Variants in LDB2 observed in about 807,000 individuals in gnomAD.
LDB2 encodes the protein LIM domain-binding protein 2.
In LDB2, 12 loss-of-function variants were observed where a neutral mutation model predicts 44.3. The observed-to-expected ratio is 0.27, with a 90% CI of 0.17 to 0.44. The LOEUF (loss-of-function observed/expected upper bound fraction) is 0.44, where lower values mean the gene tolerates loss of function less well. Among genes scored for constraint, LDB2 ranks in the 20% least tolerant of loss-of-function variants. The pLI, the probability that LDB2 is intolerant of heterozygous loss-of-function variation, is 1.00. For missense variants in LDB2, 344 were observed against 473.5 expected (o/e 0.73, Z 2.54); for synonymous variants, 164 against 174.8 (o/e 0.94, Z 0.49).
intron 2 of LDB2, among the ~76,000 whole-genome samples, chr4:16,724,935 G>T (rs1469126157): frequency 6.6e-6 from 1 of 152,086 alleles, no homozygotes; most frequent in Non-Finnish European, 1.5e-5. Flanking sequence ...GCATAGGAAG[G>T]TTAAGTCCAG....
At chr4:16,541,253 G>C (rs1733663370) in intron 5 of LDB2, among the ~76,000 whole-genome samples, 1 of 152,104 alleles carries the variant, frequency 6.6e-6, no homozygotes, top group Non-Finnish European at 1.5e-5. Flanking sequence ...CATCCACTTG[G>C]TGCTGTCCAT....
chr4:16,560,621 C>T (rs1402772854), intron 5 of LDB2, among the ~76,000 whole-genome samples: 2 of 152,108 alleles, frequency 1.3e-5, no homozygotes, highest in African/African-American at 2.4e-5. Flanking sequence ...GATTCACAGC[C>T]GAATTCTACC....
chr4:16,871,072 T>C (rs905507798), intron 1 of LDB2, among the ~76,000 whole-genome samples: 41 of 152,234 alleles, frequency 2.7e-4, no homozygotes, highest in African/African-American at 6.8e-4. Flanking sequence ...TTCAGAAATT[T>C]TGTGAGACAG....
intron 5 of LDB2, among the ~76,000 whole-genome samples, chr4:16,585,066 A>G (rs1156587248): frequency 2.0e-5 from 3 of 152,174 alleles, no homozygotes; most frequent in Non-Finnish European, 4.4e-5. Context: ...GCCCAGCAGT[A>G]CAGAGCAGCC....
chr4:16,715,912 A>T (rs1053116895), intron 2 of LDB2, among the ~76,000 whole-genome samples: 14 of 152,224 alleles, frequency 9.2e-5, no homozygotes, highest in African/African-American at 3.4e-4. Context: ...TGATATCCTT[A>T]GTTCACTTAA....
intron 2 of LDB2, among the ~76,000 whole-genome samples, chr4:16,745,418 C>T (rs1764203683): frequency 6.6e-6 from 1 of 152,208 alleles, no homozygotes; most frequent in Non-Finnish European, 1.5e-5. Context: ...AAGATATTCT[C>T]AGGGCCCATT....
chr4:16,697,722 C>G (rs894631218), intron 2 of LDB2, among the ~76,000 whole-genome samples: 1 of 152,184 alleles, frequency 6.6e-6, no homozygotes, highest in Admixed American at 6.5e-5. Context: ...AGGGAGGCTC[C>G]TCAATTCCCT....
chr4:16,579,573 A>T (rs1320833676), intron 5 of LDB2, among the ~76,000 whole-genome samples: 1 of 152,186 alleles, frequency 6.6e-6, no homozygotes, highest in Admixed American at 6.5e-5. Context: ...TTTAAGTGGG[A>T]ATCTGCACCC....
At chr4:16,651,435 C>T (rs760013906) in intron 2 of LDB2, among the ~76,000 whole-genome samples, 56 of 152,154 alleles carry the variant, frequency 3.7e-4, no homozygotes, top group Non-Finnish European at 7.2e-4. Flanking sequence ...TTTCACATGG[C>T]CCTCCAGGAA....
At chr4:16,677,159 T>G (rs1000815891) in intron 2 of LDB2, among the ~76,000 whole-genome samples, 1 of 152,052 alleles carries the variant, frequency 6.6e-6, no homozygotes, top group African/African-American at 2.4e-5. Flanking sequence ...CAATCAGCAC[T>G]GAAGGAAAAT....
At chr4:16,600,225 C>T (rs968038972) in intron 2 of LDB2, among the ~76,000 whole-genome samples, 1 of 152,134 alleles carries the variant, frequency 6.6e-6, no homozygotes, top group African/African-American at 2.4e-5. Context: ...CTGTTACAAT[C>T]ATATGTCAAA....
At chr4:16,789,659 G>C (rs949066618) in intron 1 of LDB2, among the ~76,000 whole-genome samples, 2 of 152,198 alleles carry the variant, frequency 1.3e-5, no homozygotes, top group African/African-American at 2.4e-5. Context: ...GCCAGGTGCA[G>C]TGGCTCATGC....
At chr4:16,731,215 G>A (rs966823960) in intron 2 of LDB2, among the ~76,000 whole-genome samples, 1 of 152,138 alleles carries the variant, frequency 6.6e-6, no homozygotes, top group Non-Finnish European at 1.5e-5. Context: ...GAAATGGGCT[G>A]GAATGGACTG....
intron 1 of LDB2, among the ~76,000 whole-genome samples, chr4:16,867,309 C>T (rs1019195943): frequency 1.3e-5 from 2 of 152,134 alleles, no homozygotes; most frequent in African/African-American, 2.4e-5. Context: ...TAATACAATA[C>T]AGTAAGTGTA....
rs544751264 is a variant in LDB2, at chr4:16,559,064, G to A, written c.615+26858C>T. 2.1e-3 allele frequency among the ~76,000 whole-genome samples: 313 copies of A among 152,156 alleles called. 1 individual carries two copies. The highest frequency in any genetic ancestry group is 7.4e-3 in the African/African-American group (307 of 41,490). ...TGCCCTAAAAGAGCTCCTGAAGGAA[G>A]CACTAAACATGGAAAAGAACAACCG... On this transcript the variant is annotated intron_variant, in intron 5 of 7. Coordinates refer to ENST00000304523, the MANE Select transcript of LDB2 (RefSeq NM_001290.5).
Position 16,783,664 on chromosome 4 carries a change from T to C in LDB2, c.133-24404A>G, listed in dbSNP as rs537763667. On this transcript the variant is annotated intron_variant, in intron 1 of 7. Transcript: ENST00000304523. The stretch of plus-strand genomic sequence containing the variant: ...GGCAGGGATATGAGAAGTAGACTCT[T>C]GTTACATGGTTGTTTTCTTTGCCCT... 3.3e-5 allele frequency among the ~76,000 whole-genome samples: 5 copies of C among 152,368 alleles called. No homozygotes were observed. In the South Asian group the frequency reaches 1.0e-3, roughly 32 times the overall value.
chr4:16,569,969 C>T (rs1365806032), intron 5 of LDB2, among the ~76,000 whole-genome samples: 1 of 152,098 alleles, frequency 6.6e-6, no homozygotes, highest in Non-Finnish European at 1.5e-5. Flanking sequence ...GGCATTCAGT[C>T]CATGATGTCA....
chr4:16,817,904 T>C (rs1181631813), intron 1 of LDB2, among the ~76,000 whole-genome samples: 1 of 152,122 alleles, frequency 6.6e-6, no homozygotes, highest in Non-Finnish European at 1.5e-5. Flanking sequence ...TTATCTATTC[T>C]TGCATAAAAA....
intron 2 of LDB2, among the ~76,000 whole-genome samples, chr4:16,684,463 C>T (rs1042202617): frequency 1.2e-4 from 19 of 152,166 alleles, no homozygotes; most frequent in African/African-American, 4.6e-4. Context: ...TTCCAATCGT[C>T]AAGAATTTTC....
Sources: allele counts gnomAD v4.1 joint callset (sites outside exome capture counted in the v4.1 genomes callset), GRCh38; gene constraint gnomAD v4.1.1; transcripts MANE v1.5; gene names NCBI Gene and HGNC (gene_info 2026-07-23, HGNC 2026-07-21).